Variants in WDR7 observed in about 807,000 individuals in gnomAD.
WDR7 encodes the protein WD repeat domain 7, also known as WD repeat-containing protein 7.
A neutral mutation model predicts 169.4 loss-of-function variants in WDR7; 46 were observed. That is an observed-to-expected ratio of 0.27 (90% confidence interval 0.21 to 0.35). The LOEUF is 0.35. Among genes scored for constraint, WDR7 ranks in the 10% least tolerant of loss-of-function variants. The pLI, the probability that WDR7 is intolerant of heterozygous loss-of-function variation, is 1.00. For missense variants in WDR7, 1,534 were observed against 1,859.3 expected, an observed-to-expected ratio of 0.83 and a Z score of 3.22; for synonymous variants, 612 against 666.8, an observed-to-expected ratio of 0.92 and a Z score of 1.27.
At chr18:56,779,677 G>T in intron 18 of WDR7, 128 bp downstream of exon 18, 1 of 694,180 alleles carries the variant, frequency 1.4e-6, no homozygotes, top group Non-Finnish European at 2.3e-6. Context: ...AGAAAATGTG[G>T]ATTCATGATT....
intron 21 of WDR7, among the ~76,000 whole-genome samples, chr18:56,914,073 C>T (rs919893857): frequency 1.6e-4 from 25 of 152,288 alleles, no homozygotes; most frequent in African/African-American, 5.5e-4. Flanking sequence ...TGATCCATCC[C>T]GCAGCTACCT....
chr18:56,762,243 CTT>C (rs908800432), intron 16 of WDR7, among the ~76,000 whole-genome samples: 2 of 150,952 alleles, frequency 1.3e-5, no homozygotes, highest in East Asian at 1.9e-4. Flanking sequence ...TTTAGGAAAA[CTT>C]TTTTTTTCTG....
At chr18:56,689,651 C>G (rs950492439) in intron 7 of WDR7, among the ~76,000 whole-genome samples, 19 of 152,104 alleles carry the variant, frequency 1.2e-4, no homozygotes, top group African/African-American at 2.4e-5. Context: ...ATTTTTATGT[C>G]AGATGGACCC....
chr18:56,795,131 A>AT (rs1170002711), intron 19 of WDR7, among the ~76,000 whole-genome samples: 1 of 152,178 alleles, frequency 6.6e-6, no homozygotes, highest in African/African-American at 2.4e-5. Flanking sequence ...ATTGAAACGT[A>AT]TTTAGGTTTT....
At chr18:56,674,766 T>G (rs1251765212) in intron 2 of WDR7, among the ~76,000 whole-genome samples, 1 of 152,224 alleles carries the variant, frequency 6.6e-6, no homozygotes, top group Non-Finnish European at 1.5e-5. Flanking sequence ...TGAAGATTTA[T>G]CCCTGTGTTT....
At chr18:56,708,124 C>G (rs1348390852) in intron 12 of WDR7, among the ~76,000 whole-genome samples, 1 of 151,306 alleles carries the variant, frequency 6.6e-6, no homozygotes, top group Non-Finnish European at 1.5e-5. Flanking sequence ...ACCTCCGCCT[C>G]CCAGGTTCAA....
At position 56,766,229 on chromosome 18, in the gene WDR7, TTG is replaced by T. The variant is rs1209107160; in HGVS notation, c.2848+7281_2848+7282del. On this transcript the variant is annotated intron_variant, in intron 16 of 27. Coordinates refer to ENST00000254442, the MANE Select transcript of WDR7 (RefSeq NM_015285.3). ...TTATCACTGGTTTTGAGCAGTTTGATTGTGTGGTTCTTCAGTGTAGTGTTCTT... is the reference window on the plus strand; with the variant it reads ...TTATCACTGGTTTTGAGCAGTTTGATTGTGGTTCTTCAGTGTAGTGTTCTT... 2.6e-5 allele frequency among the ~76,000 whole-genome samples: 4 copies of T among 151,754 alleles called. No individual in the cohort carries two copies. The East Asian group carries it at 8.5e-4, about 32-fold the overall frequency.
chr18:56,892,392 C>T (rs183796843), intron 21 of WDR7, among the ~76,000 whole-genome samples: 1 of 152,186 alleles, frequency 6.6e-6, no homozygotes, highest in African/African-American at 2.4e-5. Context: ...TATTTTTCTG[C>T]TGTCTGTCCT....
chr18:56,887,105 G>A (rs1022723048), intron 21 of WDR7, among the ~76,000 whole-genome samples: 1 of 152,034 alleles, frequency 6.6e-6, no homozygotes, highest in African/African-American at 2.4e-5. Flanking sequence ...GAAAGAATTA[G>A]GGGAAAAAAG....
intron 5 of WDR7, among the ~76,000 whole-genome samples, chr18:56,684,196 A>T (rs1169378389): frequency 1.3e-5 from 2 of 152,176 alleles, no homozygotes; most frequent in Non-Finnish European, 2.9e-5. Context: ...GAAACTATAG[A>T]TTATCTTTTT....
At chr18:56,771,569 C>A (rs1452310528) in intron 16 of WDR7, among the ~76,000 whole-genome samples, 2 of 141,432 alleles carry the variant, frequency 1.4e-5, no homozygotes, top group African/African-American at 5.2e-5. Context: ...CCTCCCCCAC[C>A]CCCCCCCAAA....
chr18:56,832,014 G>T (rs997105053), intron 20 of WDR7, among the ~76,000 whole-genome samples: 1 of 152,142 alleles, frequency 6.6e-6, no homozygotes, highest in Admixed American at 6.5e-5. Flanking sequence ...CTGGAAAGAG[G>T]GCTGAAGCCA....
Position 56,887,847 on chromosome 18 carries a change from A to G in WDR7, c.3526+7682A>G, listed in dbSNP as rs1197551232. On this transcript the variant is annotated intron_variant, in intron 21 of 27. Transcript: ENST00000254442. ...CTAAATGACCCTCTGTCTTACGTGT[A>G]CTCTTTTTGATCAGTCATGTGTAAT... 2.0e-5 allele frequency among the ~76,000 whole-genome samples: 3 copies of G among 151,840 alleles called. No individual in the cohort carries two copies. In the East Asian group the frequency reaches 5.8e-4, roughly 29 times the overall value.
intron 9 of WDR7, among the ~76,000 whole-genome samples, chr18:56,693,409 T>C (rs2025619800): frequency 6.6e-6 from 1 of 152,182 alleles, no homozygotes; most frequent in Non-Finnish European, 1.5e-5. Context: ...GAATGGTTTT[T>C]GTTCCTGGTA....
At position 56,757,301 on chromosome 18, in the gene WDR7, G is replaced by A. The variant is rs1293628945; in HGVS notation, c.2708G>A (p.Ser903Asn). The A allele has an allele frequency of 1.2e-6, 2 of 1,613,798 alleles. No individual in the cohort carries two copies. The highest frequency in any genetic ancestry group is 1.7e-6 in the Non-Finnish European group (2 of 1,179,764). The change falls in exon 15 of 28, where the codon AGT becomes AAT. Residue 903 changes from serine (S) to asparagine (N), a missense_variant. Coordinates refer to ENST00000254442, the MANE Select transcript of WDR7 (RefSeq NM_015285.3). The part of the protein sequence containing the change: ...SIISLANTLM[S>N]MTNATFIGDH... Reference sequence around the variant, plus strand: ...ATTTCTTTGGCAAATACTTTAATGAGTATGACCAATGCAACTTTTATTGGT... The same window carrying A: ...ATTTCTTTGGCAAATACTTTAATGAATATGACCAATGCAACTTTTATTGGT...
intron 20 of WDR7, among the ~76,000 whole-genome samples, chr18:56,860,105 T>A (rs2045781746): frequency 6.6e-6 from 1 of 152,202 alleles, no homozygotes; most frequent in Non-Finnish European, 1.5e-5. Flanking sequence ...ATTCCTGGAA[T>A]GATGGTAGTC....
chr18:56,688,561 CAAAA>C (rs68137220), intron 7 of WDR7, among the ~76,000 whole-genome samples: 29 of 135,200 alleles, frequency 2.1e-4, no homozygotes, highest in Admixed American at 3.7e-4. Context: ...ACTAAAAATA[CAAAA>C]AAAAAAAAAA....
At chr18:56,826,722 A>C (rs1202945006) in intron 20 of WDR7, among the ~76,000 whole-genome samples, 2 of 152,194 alleles carry the variant, frequency 1.3e-5, no homozygotes, top group East Asian at 3.8e-4. Flanking sequence ...TGGATGAATT[A>C]AATCCAGTGT....
At chr18:56,718,236 A>G in intron 13 of WDR7, 77 bp downstream of exon 13, 1 of 1,360,654 alleles carries the variant, frequency 7.3e-7, no homozygotes, top group South Asian at 1.9e-5. Flanking sequence ...AATGTCTTTT[A>G]TATGAAGAAA....
Sources: gnomAD v4.1 joint callset for allele counts (sites outside exome capture counted in the v4.1 genomes callset) on GRCh38, gnomAD v4.1.1 for gene constraint, MANE v1.5 for transcripts, NCBI Gene and HGNC (gene_info 2026-07-23, HGNC 2026-07-21) for gene names.